Variants in BAZ2B observed in about 807,000 individuals in gnomAD.
BAZ2B encodes bromodomain adjacent to zinc finger domain protein 2B.
BAZ2B carries 91 observed loss-of-function variants against 246.0 expected under a neutral mutation model. That is an observed-to-expected ratio of 0.37 (90% CI 0.31 to 0.44). The LOEUF (loss-of-function observed/expected upper bound fraction) is 0.44. BAZ2B is among the 20% of genes least tolerant of loss of function. BAZ2B has a pLI of 1.00. For synonymous variants in BAZ2B, 855 were observed against 860.0 expected (o/e 0.99, Z 0.10); for missense variants, 2,332 against 2,533.7 (o/e 0.92, Z 1.71).
intron 2 of BAZ2B, among the ~76,000 whole-genome samples, chr2:159,514,103 C>T (rs2083198507): frequency 6.6e-6 from 1 of 152,156 alleles, no homozygotes; most frequent in African/African-American, 2.4e-5. Context: ...CTAACCTTCA[C>T]ATCCTGCTCC....
intron 2 of BAZ2B, among the ~76,000 whole-genome samples, chr2:159,508,364 A>T (rs949792170): frequency 6.6e-6 from 1 of 152,218 alleles, no homozygotes; most frequent in African/African-American, 2.4e-5. Context: ...AACTAACAAC[A>T]TTTAAACTAC....
rs567259418 is a variant in BAZ2B, at chr2:159,446,309, T to C, written c.696+473A>G. ...GATATACATGAAATAAAACTGGCCATGATGCGACAACTGTTGAAGCTGAAT... is the reference window on the plus strand; with the variant it reads ...GATATACATGAAATAAAACTGGCCACGATGCGACAACTGTTGAAGCTGAAT... On this transcript the variant is annotated intron_variant, in intron 6 of 36. Coordinates refer to ENST00000392783, the MANE Select transcript of BAZ2B (RefSeq NM_013450.4). 5.3e-5 allele frequency among the ~76,000 whole-genome samples: 8 copies of C among 152,212 alleles called. No individual in the cohort carries two copies. In the South Asian group the frequency reaches 1.5e-3, roughly 28 times the overall value.
intron 2 of BAZ2B, among the ~76,000 whole-genome samples, chr2:159,485,409 A>G (rs1352799688): frequency 6.6e-6 from 1 of 152,186 alleles, no homozygotes; most frequent in East Asian, 1.9e-4. Context: ...AAATTTTCTG[A>G]AACAGAATTT....
intron 2 of BAZ2B, among the ~76,000 whole-genome samples, chr2:159,524,894 A>C (rs2084561044): frequency 6.6e-6 from 1 of 152,110 alleles, no homozygotes; most frequent in Non-Finnish European, 1.5e-5. Flanking sequence ...AAAGTACTCT[A>C]TTTATCGTCT....
At chr2:159,688,970 T>C in the BAZ2B span, among the ~76,000 whole-genome samples, 13 of 152,350 alleles carry the variant, frequency 8.5e-5, no homozygotes, top group East Asian at 9.6e-4. Flanking sequence ...TGTATGTCCA[T>C]TGTATAGTTG....
At chr2:159,449,261 A>C (rs1179889807) in intron 4 of BAZ2B, among the ~76,000 whole-genome samples, 2 of 152,274 alleles carry the variant, frequency 1.3e-5, no homozygotes, top group Non-Finnish European at 1.5e-5. Context: ...TCTTATATTG[A>C]CCCATCTAAA....
intron 4 of BAZ2B, among the ~76,000 whole-genome samples, chr2:159,449,691 T>C (rs1482552725): frequency 6.6e-6 from 1 of 152,218 alleles, no homozygotes; most frequent in African/African-American, 2.4e-5. Flanking sequence ...TATTCAGCCA[T>C]GCCTGAACAA....
chr2:159,668,083 G>C, the BAZ2B span, among the ~76,000 whole-genome samples: 4 of 152,056 alleles, frequency 2.6e-5, no homozygotes, highest in Admixed American at 6.6e-5. Context: ...AGTTTAACGG[G>C]TAGAGATTGT....
chr2:159,475,985 T>A (rs2078494148), intron 3 of BAZ2B, among the ~76,000 whole-genome samples: 1 of 152,090 alleles, frequency 6.6e-6, no homozygotes, highest in Non-Finnish European at 1.5e-5. Flanking sequence ...TCACTGCCGC[T>A]AGGAGGTGCC....
In BAZ2B at chr2:159,433,351, G is replaced by C; in HGVS notation, c.1306C>G (p.Gln436Glu). The C allele has an allele frequency of 6.2e-7, 1 of 1,609,654 alleles. No homozygotes were observed. The highest frequency in any genetic ancestry group is 8.5e-7 in the Non-Finnish European group (1 of 1,178,118). ...TTCTTTAACTGTGATGGGAATGCCTGTTTATATTGTTCCTGTTGAAACATA... is the reference window on the plus strand; with the variant it reads ...TTCTTTAACTGTGATGGGAATGCCTCTTTATATTGTTCCTGTTGAAACATA... Reference protein sequence around the residue: ...ELRSKREQYKQAFPSQLKKQE... With the variant: ...ELRSKREQYKEAFPSQLKKQE... The change falls in exon 9 of 37, where the codon CAG becomes GAG. Residue 436 changes from glutamine (Q) to glutamate (E), a missense_variant. By Grantham distance (29) the Gln-to-Glu change is conservative. Transcript: ENST00000392783.
intron 1 of BAZ2B, among the ~76,000 whole-genome samples, chr2:159,614,903 C>G (rs1013355757): frequency 3.3e-5 from 5 of 152,138 alleles, no homozygotes; most frequent in Admixed American, 2.0e-4. Flanking sequence ...TGAACATTCC[C>G]TAAACTTTGA....
chr2:159,637,936 A>G, the BAZ2B span, among the ~76,000 whole-genome samples: 1 of 152,188 alleles, frequency 6.6e-6, no homozygotes, highest in Non-Finnish European at 1.5e-5. Flanking sequence ...GACCTGGAGG[A>G]ACTCGCCACC....
chr2:159,377,965 T>C (rs2061599037), intron 25 of BAZ2B, among the ~76,000 whole-genome samples: 2 of 152,188 alleles, frequency 1.3e-5, no homozygotes, highest in African/African-American at 2.4e-5. Flanking sequence ...AAACAAATAA[T>C]TTCTGTAAAT....
At chr2:159,634,465 A>T in the BAZ2B span, among the ~76,000 whole-genome samples, 1 of 152,236 alleles carries the variant, frequency 6.6e-6, no homozygotes, top group Non-Finnish European at 1.5e-5. Flanking sequence ...AATGGTAATT[A>T]TCCATTAGCA....
At chr2:159,658,010 G>A in the BAZ2B span, among the ~76,000 whole-genome samples, 1 of 152,168 alleles carries the variant, frequency 6.6e-6, no homozygotes, top group Non-Finnish European at 1.5e-5. Flanking sequence ...CCCTGTTTCT[G>A]ATCTTAGTGG....
At chr2:159,374,806 A>G (rs73967854) in intron 25 of BAZ2B, 53 bp from the exon 26 acceptor site, 156,880 of 1,508,234 alleles carry the variant, frequency 0.1, 10,466 homozygotes, top group African/African-American at 0.31. Flanking sequence ...TTATTTATTC[A>G]ATCAGTAAAT....
chr2:159,687,530 T>C, the BAZ2B span, among the ~76,000 whole-genome samples: 1 of 152,196 alleles, frequency 6.6e-6, no homozygotes, highest in Non-Finnish European at 1.5e-5. Flanking sequence ...TTGAATGCAT[T>C]AACATGCCAG....
At chr2:159,615,765 C>T (rs1241053179) in intron 1 of BAZ2B, 2 of 152,224 alleles carry the variant, frequency 1.3e-5, no homozygotes, top group East Asian at 1.9e-4. Context: ...CTGTTGGCGG[C>T]GACCTGAGCG....
chr2:159,695,827 T>A, the BAZ2B span, among the ~76,000 whole-genome samples: 1 of 152,150 alleles, frequency 6.6e-6, no homozygotes, highest in African/African-American at 2.4e-5. Flanking sequence ...TGATCTTGGC[T>A]CATTGCAACC....
Sources: allele counts gnomAD v4.1 joint callset (sites outside exome capture counted in the v4.1 genomes callset), GRCh38; gene constraint gnomAD v4.1.1; transcripts MANE v1.5; gene names NCBI Gene and HGNC (gene_info 2026-07-23, HGNC 2026-07-21).